Variants in ARHGAP31 observed in about 807,000 individuals in gnomAD.
ARHGAP31 encodes the protein Rho GTPase activating protein 31.
Under a neutral mutation model 113.9 loss-of-function variants are expected in ARHGAP31, and 34 were observed. The observed-to-expected ratio is 0.30, with a 90% CI of 0.23 to 0.40. The LOEUF (loss-of-function observed/expected upper bound fraction) is 0.40. Ranked by LOEUF, ARHGAP31 falls within the 10% of genes least tolerant of loss-of-function variation. The pLI is 1.00. For synonymous variants in ARHGAP31, 650 were observed against 684.8 expected (o/e 0.95, Z 0.79); for missense variants, 1,548 against 1,767.1 (o/e 0.88, Z 2.22).
chr3:119,377,509 G>A (rs537092730), intron 3 of ARHGAP31, among the ~76,000 whole-genome samples: 33 of 152,254 alleles, frequency 2.2e-4, no homozygotes, highest in African/African-American at 5.5e-4. Flanking sequence ...GCGGGGACAC[G>A]CTGAGCTTGC....
At chr3:119,300,539 A>G (rs868500908) in intron 1 of ARHGAP31, among the ~76,000 whole-genome samples, 17 of 152,234 alleles carry the variant, frequency 1.1e-4, no homozygotes, top group Middle Eastern at 6.8e-3. Context: ...GGCCTAAGAC[A>G]CAGCCACAGC....
At chr3:119,411,310 G>C (rs887294140) in intron 11 of ARHGAP31, among the ~76,000 whole-genome samples, 6 of 152,186 alleles carry the variant, frequency 3.9e-5, no homozygotes, top group Admixed American at 6.5e-5. Flanking sequence ...ATCAGGAGGG[G>C]AGTATGTGGT....
At chr3:119,402,436 A>G (rs1392778136) in intron 10 of ARHGAP31, 39 bp downstream of exon 10, 8 of 1,597,362 alleles carry the variant, frequency 5.0e-6, no homozygotes, top group Non-Finnish European at 6.9e-6. Flanking sequence ...GTTGCAAGAG[A>G]GAAAAACCAG....
chr3:119,296,620 G>A (rs141985572), intron 1 of ARHGAP31, among the ~76,000 whole-genome samples: 55 of 152,262 alleles, frequency 3.6e-4, no homozygotes, highest in African/African-American at 1.2e-3. Context: ...AGCCCTGTTC[G>A]TTCTTACAAA....
rs1339686649 is a variant in ARHGAP31, at chr3:119,420,233, G to A, written c.*3969G>A. ...ATTTATTTGGGCCACATTCTACCAC[G>A]GCCAGTCCAATCTGATGACCACATG... On this transcript the variant is annotated 3_prime_UTR_variant, in exon 12 of 12. Coordinates refer to ENST00000264245, the MANE Select transcript of ARHGAP31 (RefSeq NM_020754.4). 1 of 152,170 alleles carries A rather than the reference G, an allele frequency of 6.6e-6. No homozygotes were observed. Among genetic ancestry groups the A allele is most frequent in the East Asian group, 1.9e-4 (1 of 5,198 alleles). The allele number at this position is 152,170 out of a possible 1,614,324, so 9.4% of individuals were successfully genotyped here. A position where few individuals can be genotyped will look rare whatever the true frequency, so the allele number is the denominator to read the frequency against.
chr3:119,408,332 A>G (rs2080684048), intron 10 of ARHGAP31, among the ~76,000 whole-genome samples: 1 of 152,252 alleles, frequency 6.6e-6, no homozygotes, highest in South Asian at 2.1e-4. Context: ...GCAAAAGGAA[A>G]TACCACTATT....
intron 1 of ARHGAP31, among the ~76,000 whole-genome samples, chr3:119,323,364 C>A (rs895595099): frequency 9.2e-5 from 14 of 152,198 alleles, no homozygotes. Context: ...ATGGGCTTCT[C>A]GCGCCCCAGG....
At chr3:119,303,857 C>T (rs1026483131) in intron 1 of ARHGAP31, among the ~76,000 whole-genome samples, 2 of 151,720 alleles carry the variant, frequency 1.3e-5, no homozygotes, top group Non-Finnish European at 2.9e-5. Context: ...TACAATGGTG[C>T]GATCTCGGCT....
At chr3:119,356,283 A>G (rs977563537) in intron 1 of ARHGAP31, among the ~76,000 whole-genome samples, 1 of 152,214 alleles carries the variant, frequency 6.6e-6, no homozygotes, top group Non-Finnish European at 1.5e-5. Flanking sequence ...TATTGAATGC[A>G]TATATAAATA....
intron 2 of ARHGAP31, among the ~76,000 whole-genome samples, chr3:119,367,091 TA>T (rs10706024): frequency 0.39 from 56,106 of 143,280 alleles, 12,484 homozygotes; most frequent in African/African-American, 0.64. Context: ...AAACTCCATC[TA>T]AAAAAAAAAA....
chr3:119,382,473 T>TCCAA, intron 5 of ARHGAP31, 74 bp downstream of exon 5: 3 of 1,402,054 alleles, frequency 2.1e-6, no homozygotes, highest in Non-Finnish European at 3.0e-6. Flanking sequence ...GAAGATTGGA[T>TCCAA]TCTTCAAATT....
At chr3:119,358,386 C>G (rs1316420848) in intron 1 of ARHGAP31, among the ~76,000 whole-genome samples, 1 of 152,200 alleles carries the variant, frequency 6.6e-6, no homozygotes, top group African/African-American at 2.4e-5. Context: ...AACCCTCATC[C>G]ATTGCTGGTG....
chr3:119,385,869 A>G (rs543214165), intron 6 of ARHGAP31, among the ~76,000 whole-genome samples: 4 of 152,358 alleles, frequency 2.6e-5, no homozygotes, highest in South Asian at 2.1e-4. Flanking sequence ...ATGAAAATAG[A>G]TAACTAAATC....
At chr3:119,334,935 T>A (rs1162587819) in intron 1 of ARHGAP31, among the ~76,000 whole-genome samples, 1 of 152,202 alleles carries the variant, frequency 6.6e-6, no homozygotes, top group Non-Finnish European at 1.5e-5. Flanking sequence ...TCCTTTTGGG[T>A]CCTGACCAGT....
intron 10 of ARHGAP31, among the ~76,000 whole-genome samples, chr3:119,408,689 G>T (rs2080687062): frequency 6.6e-6 from 1 of 152,210 alleles, no homozygotes; most frequent in African/African-American, 2.4e-5. Context: ...TTAAGGGCCT[G>T]CTATGTGCCG....
At chr3:119,406,922 A>G (rs1029694638) in intron 10 of ARHGAP31, among the ~76,000 whole-genome samples, 3 of 152,126 alleles carry the variant, frequency 2.0e-5, no homozygotes, top group African/African-American at 7.2e-5. Context: ...AATACTCTTT[A>G]TTGACTTTTC....
chr3:119,377,093 A>C (rs1041751890), intron 3 of ARHGAP31, among the ~76,000 whole-genome samples: 1 of 152,256 alleles, frequency 6.6e-6, no homozygotes, highest in Non-Finnish European at 1.5e-5. Flanking sequence ...TTCAAGCACA[A>C]AGCAAAATAT....
chr3:119,396,096 C>T (rs1205313395), intron 8 of ARHGAP31, among the ~76,000 whole-genome samples: 1 of 152,140 alleles, frequency 6.6e-6, no homozygotes. Flanking sequence ...AACAAAACAA[C>T]AAAAAGGAAA....
intron 1 of ARHGAP31, among the ~76,000 whole-genome samples, chr3:119,323,497 C>T (rs1314192869): frequency 6.6e-6 from 1 of 151,846 alleles, no homozygotes; most frequent in African/African-American, 2.4e-5. Flanking sequence ...TGTTTCTTTT[C>T]TTCTTCTTTT....
Sources: allele counts gnomAD v4.1 joint callset (sites outside exome capture counted in the v4.1 genomes callset), GRCh38; gene constraint gnomAD v4.1.1; transcripts MANE v1.5; gene names NCBI Gene and HGNC (gene_info 2026-07-23, HGNC 2026-07-21).